Variants in PLXDC2 observed in about 807,000 individuals in gnomAD.
PLXDC2 encodes the protein plexin domain-containing protein 2.
Under a neutral mutation model 68.9 loss-of-function variants are expected in PLXDC2, and 40 were observed. The observed-to-expected ratio is 0.58, with a 90% confidence interval of 0.45 to 0.76. PLXDC2 has a LOEUF of 0.76. Among genes scored for constraint, PLXDC2 ranks in the 30% least tolerant of loss-of-function variants. The pLI is 0.00. For synonymous variants in PLXDC2, 243 were observed against 234.2 expected, an observed-to-expected ratio of 1.04 and a Z score of -0.34; for missense variants, 644 against 661.9, an observed-to-expected ratio of 0.97 and a Z score of 0.30.
At chr10:20,181,777 G>A (rs1027282955) in intron 9 of PLXDC2, among the ~76,000 whole-genome samples, 3 of 152,044 alleles carry the variant, frequency 2.0e-5, no homozygotes, top group Admixed American at 6.6e-5. Context: ...AAGCTAGGGA[G>A]AGTTTTATCC....
At chr10:19,847,660 A>G (rs558869402) in intron 1 of PLXDC2, among the ~76,000 whole-genome samples, 7 of 152,336 alleles carry the variant, frequency 4.6e-5, no homozygotes, top group African/African-American at 1.7e-4. Flanking sequence ...TCATTTTCTA[A>G]TAATCCCAAC....
intron 1 of PLXDC2, among the ~76,000 whole-genome samples, chr10:19,865,123 G>A (rs1589507939): frequency 6.6e-6 from 1 of 152,190 alleles, no homozygotes; most frequent in Non-Finnish European, 1.5e-5. Context: ...GTAGTTGTTA[G>A]GTTGTCTCTG....
intron 13 of PLXDC2, among the ~76,000 whole-genome samples, chr10:20,264,970 G>A (rs2681929): frequency 0.59 from 89,896 of 151,892 alleles, 27,581 homozygotes; most frequent in Middle Eastern, 0.76. Flanking sequence ...AAGGTCGCTG[G>A]ATGATATTAA....
intron 13 of PLXDC2, among the ~76,000 whole-genome samples, chr10:20,266,797 G>T (rs568931554): frequency 1.3e-5 from 2 of 152,028 alleles, no homozygotes; most frequent in African/African-American, 4.8e-5. Flanking sequence ...CAATATAGGC[G>T]CTCCAGAGAA....
In PLXDC2 at chr10:20,056,966, C is replaced by T. The variant is rs1825078349; in HGVS notation, c.471+9951C>T. 3.9e-5 allele frequency among the ~76,000 whole-genome samples: 6 copies of T among 152,036 alleles called. No individual in the cohort carries two copies. In the South Asian group the frequency reaches 1.2e-3, roughly 32 times the overall value. On this transcript the variant is annotated intron_variant, in intron 3 of 13. Transcript: ENST00000377252. ...ATATTAAACTTTTATAATCATAAAG[C>T]CTGCTAAAAGGGAGACCCCTGAACC...
chr10:20,171,209 GC>G (rs1176669630), intron 7 of PLXDC2, among the ~76,000 whole-genome samples: 1 of 152,068 alleles, frequency 6.6e-6, no homozygotes, highest in Non-Finnish European at 1.5e-5. Context: ...CCCAGTGCAA[GC>G]CCTTTCAGAG....
At chr10:20,019,592 T>C (rs751105528) in intron 2 of PLXDC2, among the ~76,000 whole-genome samples, 104 of 152,214 alleles carry the variant, frequency 6.8e-4, no homozygotes, top group Non-Finnish European at 1.3e-3. Flanking sequence ...CTGATAGGAT[T>C]GGTGGGCTTA....
At chr10:20,004,777 C>T (rs1435401277) in intron 2 of PLXDC2, among the ~76,000 whole-genome samples, 1 of 152,046 alleles carries the variant, frequency 6.6e-6, no homozygotes, top group Admixed American at 6.6e-5. Flanking sequence ...AAAATACAAT[C>T]CCGGTGGTTA....
chr10:20,078,007 C>A (rs1836480683), intron 4 of PLXDC2, among the ~76,000 whole-genome samples: 1 of 152,024 alleles, frequency 6.6e-6, no homozygotes, highest in African/African-American at 2.4e-5. Context: ...TCCAAAATGC[C>A]TTGAAAACAC....
At chr10:20,248,608 A>T (rs1007546278) in intron 13 of PLXDC2, among the ~76,000 whole-genome samples, 2 of 152,134 alleles carry the variant, frequency 1.3e-5, no homozygotes, top group South Asian at 2.1e-4. Context: ...TACCTATCTG[A>T]CATGCTGCTG....
chr10:20,240,753 A>T (rs1293974179), intron 12 of PLXDC2, among the ~76,000 whole-genome samples: 1 of 151,804 alleles, frequency 6.6e-6, no homozygotes, highest in East Asian at 1.9e-4. Context: ...ATGAGAGTAG[A>T]AAAATGCTTT....
At chr10:20,136,518 G>A (rs2358847) in intron 4 of PLXDC2, among the ~76,000 whole-genome samples, 11 of 152,048 alleles carry the variant, frequency 7.2e-5, no homozygotes, top group African/African-American at 1.4e-4. Context: ...CTGCAAACCC[G>A]CAGTTAAATA....
chr10:20,181,089 T>G (rs1834597356), intron 9 of PLXDC2, among the ~76,000 whole-genome samples: 1 of 152,082 alleles, frequency 6.6e-6, no homozygotes, highest in Non-Finnish European at 1.5e-5. Flanking sequence ...TTAATAGTGA[T>G]GAGTGTTATG....
chr10:19,859,878 C>T (rs1003754801), intron 1 of PLXDC2, among the ~76,000 whole-genome samples: 2 of 151,984 alleles, frequency 1.3e-5, no homozygotes, highest in African/African-American at 2.4e-5. Flanking sequence ...ATTACAGGTG[C>T]GCTCCACCGT....
At chr10:19,835,540 T>C (rs372542) in intron 1 of PLXDC2, among the ~76,000 whole-genome samples, 90,411 of 151,882 alleles carry the variant, frequency 0.6, 27,251 homozygotes, top group African/African-American at 0.68. Flanking sequence ...AGGGCTCAGA[T>C]GAGTTCAGGA....
At chr10:19,930,333 G>A (rs1052841084) in intron 1 of PLXDC2, among the ~76,000 whole-genome samples, 3 of 152,138 alleles carry the variant, frequency 2.0e-5, no homozygotes, top group African/African-American at 7.2e-5. Flanking sequence ...TCCAGAAACA[G>A]CCGGGTTGGT....
At chr10:20,179,796 A>G (rs1834576938) in intron 9 of PLXDC2, among the ~76,000 whole-genome samples, 1 of 152,122 alleles carries the variant, frequency 6.6e-6, no homozygotes, top group Non-Finnish European at 1.5e-5. Flanking sequence ...GAATTTTCAA[A>G]TATCAAACTT....
At chr10:20,022,875 A>G (rs1835336009) in intron 2 of PLXDC2, among the ~76,000 whole-genome samples, 1 of 151,956 alleles carries the variant, frequency 6.6e-6, no homozygotes, top group African/African-American at 2.4e-5. Flanking sequence ...ATATGTTAAT[A>G]CTTGGCAGAG....
chr10:19,883,471 A>G (rs764007722), intron 1 of PLXDC2, among the ~76,000 whole-genome samples: 6 of 152,176 alleles, frequency 3.9e-5, no homozygotes, highest in Admixed American at 2.6e-4. Context: ...GAAAATCATC[A>G]TTCTCTCTCT....
Sources: gnomAD v4.1 joint callset for allele counts (sites outside exome capture counted in the v4.1 genomes callset) on GRCh38, gnomAD v4.1.1 for gene constraint, MANE v1.5 for transcripts, NCBI Gene and HGNC (gene_info 2026-07-23, HGNC 2026-07-21) for gene names.